ANKRD36C: variants seen among roughly 807,000 people sequenced by gnomAD.
ANKRD36C encodes ankyrin repeat domain 36C.
A neutral mutation model predicts 276.4 loss-of-function variants in ANKRD36C; 61 were observed. The observed-to-expected ratio is 0.22, with a 90% confidence interval of 0.18 to 0.27. The LOEUF (loss-of-function observed/expected upper bound fraction) is 0.27. ANKRD36C is among the 10% of genes least tolerant of loss of function. The pLI, the probability that ANKRD36C is intolerant of heterozygous loss-of-function variation, is 1.00. For synonymous variants in ANKRD36C, 483 were observed against 680.1 expected, an observed-to-expected ratio of 0.71 and a Z score of 4.51; for missense variants, 1,447 against 2,032.3, an observed-to-expected ratio of 0.71 and a Z score of 5.54.
intron 61 of ANKRD36C, among the ~76,000 whole-genome samples, chr2:95,857,943 A>C (rs1187559338): frequency 6.6e-6 from 1 of 151,792 alleles, no homozygotes; most frequent in Non-Finnish European, 1.5e-5. Flanking sequence ...TGGTTTCCAC[A>C]ATCATTTATC....
At chr2:95,985,653 C>G (rs1679011874) in intron 3 of ANKRD36C, among the ~76,000 whole-genome samples, 1 of 152,212 alleles carries the variant, frequency 6.6e-6, no homozygotes, top group Non-Finnish European at 1.5e-5. Flanking sequence ...CTGCCATGCA[C>G]AATTCTAACT....
chr2:95,912,378 G>C lies in ANKRD36C; in HGVS notation c.2580+29C>G, dbSNP rs182571023. The C allele has an allele frequency of 3.0e-5, 48 of 1,603,574 alleles. No individual in the cohort carries two copies. The East Asian group carries it at 9.9e-4, about 33-fold the overall frequency. ...TGTTTCATAGGCTTTACGTTTACTA[G>C]CTCACAATATGAATGAGAGTTTCAT... On this transcript the variant is annotated intron_variant, in intron 41 of 66. Coordinates refer to ENST00000456556, the Ensembl canonical transcript of ANKRD36C.
chr2:95,911,325 A>C (rs991700490), intron 42 of ANKRD36C, among the ~76,000 whole-genome samples: 2 of 151,512 alleles, frequency 1.3e-5, no homozygotes, highest in African/African-American at 4.8e-5. Flanking sequence ...TTAGATATTA[A>C]TAAGTTTTAC....
intron 34 of ANKRD36C, among the ~76,000 whole-genome samples, chr2:95,919,148 T>C (rs1207726308): frequency 7.4e-6 from 1 of 135,610 alleles, no homozygotes. Flanking sequence ...CAAAATCAAA[T>C]ATTTTTTAAG....
chr2:95,930,584 A>T (rs1677538304), intron 24 of ANKRD36C, among the ~76,000 whole-genome samples: 1 of 151,404 alleles, frequency 6.6e-6, no homozygotes, highest in African/African-American at 2.4e-5. Flanking sequence ...TATGAAAATA[A>T]ACTAAACAAA....
At chr2:95,875,007 A>G (rs140562818) in intron 59 of ANKRD36C, among the ~76,000 whole-genome samples, 2 of 152,158 alleles carry the variant, frequency 1.3e-5, no homozygotes, top group Non-Finnish European at 2.9e-5. Context: ...TTAGGATGGC[A>G]ATCATTAAAA....
Position 95,962,511 on chromosome 2 carries a change from G to A in ANKRD36C, c.828+8C>T, listed in dbSNP as rs745894259. On this transcript the variant is annotated splice_region_variant and intron_variant, in intron 7 of 66. Transcript: ENST00000456556. ...AATAGTTCAAAACAGAAATGAATGTGTAATTACCTTCAAGGCTGGTTGTTT... is the reference window on the plus strand; with the variant it reads ...AATAGTTCAAAACAGAAATGAATGTATAATTACCTTCAAGGCTGGTTGTTT... 1.2e-6 allele frequency: 2 copies of A among 1,600,952 alleles called. No homozygotes were observed. The highest frequency in any genetic ancestry group is 2.2e-5 in the East Asian group (1 of 44,772).
At chr2:95,976,363 T>C (rs1678809082) in intron 6 of ANKRD36C, among the ~76,000 whole-genome samples, 1 of 152,034 alleles carries the variant, frequency 6.6e-6, no homozygotes, top group Non-Finnish European at 1.5e-5. Flanking sequence ...AACTTGAAAC[T>C]CTCGAAATGC....
chr2:95,919,015 T>C (rs1677193676), intron 34 of ANKRD36C, among the ~76,000 whole-genome samples: 1 of 131,866 alleles, frequency 7.6e-6, no homozygotes, highest in African/African-American at 2.6e-5. Flanking sequence ...ATCTCATTTT[T>C]ATAAGTAAAG....
chr2:95,927,536 C>T lies in ANKRD36C; in HGVS notation c.1838-127G>A, dbSNP rs1247614640. Reference sequence around the variant, plus strand: ...CTAGTGTAGGCTTTGATGTTTTCTACTTTTTGTCTGGAGACTGGAACACGA... The same window carrying T: ...CTAGTGTAGGCTTTGATGTTTTCTATTTTTTGTCTGGAGACTGGAACACGA... On this transcript the variant is annotated intron_variant, in intron 26 of 66. Coordinates refer to ENST00000456556, the Ensembl canonical transcript of ANKRD36C. The T allele has an allele frequency of 2.7e-6, 4 of 1,457,088 alleles. No homozygotes were observed. In the Admixed American group the frequency reaches 9.8e-5, roughly 36 times the overall value. The allele number at this position is 1,457,088 out of a possible 1,614,324, so 90.3% of individuals were successfully genotyped here. A position where few individuals can be genotyped will look rare whatever the true frequency, so the allele number is the denominator to read the frequency against.
chr2:95,914,333 C>A, intron 38 of ANKRD36C, 30 bp from the exon 41 acceptor site: 1 of 1,545,878 alleles, frequency 6.5e-7, no homozygotes, highest in South Asian at 1.2e-5. Context: ...CATAATCACT[C>A]ATATGTAAAA....
At chr2:95,978,222 A>C in intron 5 of ANKRD36C, 33 bp from the exon 6 acceptor site, 1 of 647,246 alleles carries the variant, frequency 1.5e-6, no homozygotes, top group Non-Finnish European at 2.6e-6. Context: ...TTAATATTTT[A>C]ATACTATTAT....
At chr2:95,866,880 A>T (rs1417820770) in intron 60 of ANKRD36C, among the ~76,000 whole-genome samples, 11 of 152,186 alleles carry the variant, frequency 7.2e-5, no homozygotes, top group Admixed American at 4.6e-4. Flanking sequence ...CATATCAATT[A>T]TACCACACTA....
exon 52 of ANKRD36C, chr2:95,886,081 T>C (rs1356076131): frequency 1.9e-6 from 3 of 1,611,278 alleles, no homozygotes; most frequent in Non-Finnish European, 2.5e-6. Flanking sequence ...TTTATCTCTG[T>C]GGCTATATTC....
intron 44 of ANKRD36C, among the ~76,000 whole-genome samples, chr2:95,896,477 G>A (rs1341436158): frequency 1.3e-5 from 2 of 149,864 alleles, no homozygotes; most frequent in African/African-American, 4.9e-5. Context: ...CTCTAAAGAA[G>A]TCTCATTAAA....
chr2:95,891,684 A>G (rs1331868786), exon 46 of ANKRD36C: 1 of 1,569,204 alleles, frequency 6.4e-7, no homozygotes, highest in Admixed American at 1.8e-5. Context: ...TTTTTTCTCC[A>G]TGCTTTTTTC....
At chr2:95,892,485 T>C (rs1444054313) in intron 44 of ANKRD36C, among the ~76,000 whole-genome samples, 1 of 151,528 alleles carries the variant, frequency 6.6e-6, no homozygotes, top group African/African-American at 2.4e-5. Context: ...TATCCACTAC[T>C]TTAGCCTTCC....
chr2:95,975,958 G>T (rs1238194679), intron 6 of ANKRD36C, among the ~76,000 whole-genome samples: 1 of 152,066 alleles, frequency 6.6e-6, no homozygotes, highest in Admixed American at 6.5e-5. Flanking sequence ...CCATCAAAAA[G>T]TGGGCGAAGG....
At chr2:95,987,645 C>T (rs1431762393) in intron 1 of ANKRD36C, among the ~76,000 whole-genome samples, 16 of 125,654 alleles carry the variant, frequency 1.3e-4, no homozygotes, top group Admixed American at 4.8e-4. Flanking sequence ...GACGGAGTCT[C>T]GCTCTGTCGC....
Sources: gnomAD v4.1 joint callset for allele counts (sites outside exome capture counted in the v4.1 genomes callset) on GRCh38, gnomAD v4.1.1 for gene constraint, MANE v1.5 for transcripts, NCBI Gene and HGNC (gene_info 2026-07-23, HGNC 2026-07-21) for gene names.